The following NYAP2 variants were observed in gnomAD, a reference collection of about 807,000 sequenced individuals.
NYAP2 encodes neuronal tyrosine-phosphorylated phosphoinositide-3-kinase adapter 2.
NYAP2 carries 23 observed loss-of-function variants against 50.4 expected under a neutral mutation model. The observed-to-expected ratio is 0.46, with a 90% confidence interval of 0.33 to 0.65. The LOEUF is 0.65. NYAP2 is among the 30% of genes least tolerant of loss of function. The probability of loss-of-function intolerance (pLI) is 0.02; values close to 1 mark genes in which losing one functional copy is unlikely to be tolerated. For missense variants in NYAP2, 885 were observed against 861.0 expected (o/e 1.03, Z -0.35); for synonymous variants, 394 against 365.2 (o/e 1.08, Z -0.90).
At chr2:225,418,501 C>T (rs1363290707) in intron 3 of NYAP2, among the ~76,000 whole-genome samples, 2 of 152,044 alleles carry the variant, frequency 1.3e-5, no homozygotes, top group Non-Finnish European at 1.5e-5. Context: ...GTGCTGGAAT[C>T]GTAGTTACAC....
At chr2:225,430,700 C>CCT (rs1488642221) in intron 3 of NYAP2, among the ~76,000 whole-genome samples, 2 of 139,784 alleles carry the variant, frequency 1.4e-5, no homozygotes, top group Non-Finnish European at 3.1e-5. Context: ...GAGGCAGTGC[C>CCT]CTAACTAGAA....
At chr2:225,611,376 A>G (rs1692882134) in intron 5 of NYAP2, among the ~76,000 whole-genome samples, 1 of 152,046 alleles carries the variant, frequency 6.6e-6, no homozygotes, top group Non-Finnish European at 1.5e-5. Flanking sequence ...AATTCTTTTC[A>G]GAAGGAGGCC....
chr2:225,440,894 G>A (rs1009616397), intron 3 of NYAP2, among the ~76,000 whole-genome samples: 7 of 152,198 alleles, frequency 4.6e-5, no homozygotes, highest in Non-Finnish European at 8.8e-5. Flanking sequence ...TTGCTTTAGA[G>A]ACGTCAAACA....
At chr2:225,624,048 C>T (rs1693167955) in intron 5 of NYAP2, among the ~76,000 whole-genome samples, 1 of 152,144 alleles carries the variant, frequency 6.6e-6, no homozygotes, top group Admixed American at 6.5e-5. Context: ...TTTTTCTTTA[C>T]TGCAACAATT....
At chr2:225,593,006 A>G (rs915105660) in intron 5 of NYAP2, among the ~76,000 whole-genome samples, 15 of 152,356 alleles carry the variant, frequency 9.8e-5, no homozygotes, top group African/African-American at 3.4e-4. Flanking sequence ...CATGAAAAAT[A>G]CTAGAACTGA....
At chr2:225,686,146 C>G in the NYAP2 span, among the ~76,000 whole-genome samples, 4 of 152,216 alleles carry the variant, frequency 2.6e-5, no homozygotes, top group East Asian at 1.9e-4. Flanking sequence ...TGGTTATAGT[C>G]TTTCAGCAGA....
chr2:225,435,184 C>T (rs903684295), intron 3 of NYAP2, among the ~76,000 whole-genome samples: 2 of 152,000 alleles, frequency 1.3e-5, no homozygotes, highest in African/African-American at 4.8e-5. Flanking sequence ...TGCTATTTGC[C>T]CTCAAAGTTC....
chr2:225,487,939 C>G lies in NYAP2; in HGVS notation c.222-25432C>G, dbSNP rs186533182. Among the ~76,000 whole-genome samples the G allele has an allele frequency of 7.9e-5, 12 of 152,312 alleles. No individual in the cohort carries two copies. The East Asian group carries it at 2.3e-3, about 29-fold the overall frequency. On this transcript the variant is annotated intron_variant, in intron 3 of 6. Transcript: ENST00000636099. Reference sequence around the variant, plus strand: ...TGTATGATGGCACATCTGTTTATGGCATTGGCTGAAGCTTAGCTGACATTC... The same window carrying G: ...TGTATGATGGCACATCTGTTTATGGGATTGGCTGAAGCTTAGCTGACATTC...
intron 3 of NYAP2, among the ~76,000 whole-genome samples, chr2:225,450,842 T>C (rs1689638026): frequency 2.0e-5 from 3 of 152,210 alleles, no homozygotes; most frequent in Admixed American, 2.0e-4. Flanking sequence ...TATGTCTTGC[T>C]TCACAGTCCT....
chr2:225,600,295 G>T (rs1278707384), intron 5 of NYAP2, among the ~76,000 whole-genome samples: 1 of 152,150 alleles, frequency 6.6e-6, no homozygotes, highest in Non-Finnish European at 1.5e-5. Flanking sequence ...GATCCATCAA[G>T]TTCAGGATCT....
intron 4 of NYAP2, among the ~76,000 whole-genome samples, chr2:225,564,230 A>G (rs77076070): frequency 0.087 from 13,161 of 151,960 alleles, 573 homozygotes; most frequent in Admixed American, 0.093. Context: ...TGTCTCTGAG[A>G]TAACACTTTT....
intron 4 of NYAP2, among the ~76,000 whole-genome samples, chr2:225,543,184 C>G (rs1460661324): frequency 2.0e-5 from 3 of 151,622 alleles, no homozygotes; most frequent in Admixed American, 6.6e-5. Context: ...ATTGACACAC[C>G]TTTATCTTTT....
intron 4 of NYAP2, among the ~76,000 whole-genome samples, chr2:225,548,396 A>C (rs1044697936): frequency 1.1e-4 from 17 of 150,856 alleles, no homozygotes; most frequent in Admixed American, 2.7e-4. Context: ...TGACATGTGG[A>C]TATACTTTTA....
chr2:225,506,999 T>C (rs1342222645), intron 3 of NYAP2, among the ~76,000 whole-genome samples: 1 of 152,154 alleles, frequency 6.6e-6, no homozygotes, highest in Non-Finnish European at 1.5e-5. Flanking sequence ...GTTTCAGAGA[T>C]AGGTTTTTGA....
chr2:225,431,432 C>T (rs1465658607), intron 3 of NYAP2, among the ~76,000 whole-genome samples: 1 of 152,110 alleles, frequency 6.6e-6, no homozygotes, highest in Admixed American at 6.5e-5. Context: ...ATAAAGGCAG[C>T]AGATTTTACA....
Position 225,462,550 on chromosome 2 carries a change from G to A in NYAP2, c.222-50821G>A, listed in dbSNP as rs975673852. Among the ~76,000 whole-genome samples the A allele has an allele frequency of 2.0e-5, 3 of 151,974 alleles. No homozygotes were observed. In the East Asian group the frequency reaches 5.8e-4, roughly 29 times the overall value. On this transcript the variant is annotated intron_variant, in intron 3 of 6. Transcript: ENST00000636099. ...ATAACTCGGATGATGTTATGCATAG[G>A]TCAGAGGAGAAAGACATCTTCTATT...
At chr2:225,617,441 AT>A (rs1175487082) in intron 5 of NYAP2, among the ~76,000 whole-genome samples, 2 of 152,052 alleles carry the variant, frequency 1.3e-5, no homozygotes, top group Non-Finnish European at 2.9e-5. Context: ...AAATAAAAAA[AT>A]AAAAAAAAAA....
rs376112915 is a variant in NYAP2 at position 225,612,857 on chromosome 2, G to T, written c.1619-14060G>T. Among the ~76,000 whole-genome samples, 79 of 38,450 alleles carry T rather than the reference G, an allele frequency of 2.1e-3. No individual in the cohort carries two copies. The South Asian group carries it at 0.097, about 47-fold the overall frequency. The allele number at this position is 38,450 out of a possible 152,430, so 25.2% of individuals were successfully genotyped here. A position where few individuals can be genotyped will look rare whatever the true frequency, so the allele number is the denominator to read the frequency against. ...CAATGTGTGTGATGACATCACATCT[G>T]GGTCTAGAGCTTCAACATATAAATT... On this transcript the variant is annotated intron_variant, in intron 5 of 6. Transcript: ENST00000636099.
intron 3 of NYAP2, among the ~76,000 whole-genome samples, chr2:225,506,059 GAA>G (rs150569556): frequency 6.7e-6 from 1 of 149,042 alleles, no homozygotes; most frequent in African/African-American, 2.5e-5. Flanking sequence ...CTGAGAGAGA[GAA>G]AAAAAAAAGA....
Sources: gnomAD v4.1 joint callset for allele counts (sites outside exome capture counted in the v4.1 genomes callset) on GRCh38, gnomAD v4.1.1 for gene constraint, MANE v1.5 for transcripts, NCBI Gene and HGNC (gene_info 2026-07-23, HGNC 2026-07-21) for gene names.